The following ZFR variants were observed in gnomAD, a reference collection of about 807,000 sequenced individuals.
The protein encoded by ZFR is zinc finger RNA-binding protein.
Under a neutral mutation model 130.7 loss-of-function variants are expected in ZFR, and 19 were observed. That is an observed-to-expected ratio of 0.15 (90% CI 0.10 to 0.21). The LOEUF (loss-of-function observed/expected upper bound fraction) is 0.21. Ranked by LOEUF, ZFR falls within the 10% of genes least tolerant of loss-of-function variation. The pLI is 1.00. For synonymous variants in ZFR, 466 were observed against 456.9 expected (o/e 1.02, Z -0.25); for missense variants, 872 against 1,321.5 (o/e 0.66, Z 5.27).
At chr5:32,421,764 T>C (rs544341193) in intron 2 of ZFR, among the ~76,000 whole-genome samples, 28 of 152,142 alleles carry the variant, frequency 1.8e-4, no homozygotes, top group East Asian at 5.8e-4. Flanking sequence ...AAGAAACTCA[T>C]AGAATTTCTA....
At chr5:32,396,916 G>A (rs1053287629) in intron 10 of ZFR, among the ~76,000 whole-genome samples, 1 of 152,178 alleles carries the variant, frequency 6.6e-6, no homozygotes, top group Non-Finnish European at 1.5e-5. Flanking sequence ...AAATAGTTGA[G>A]ACTTTTTTCA....
chr5:32,379,382 G>C, intron 16 of ZFR, 172 bp from the exon 17 acceptor site: 1 of 659,426 alleles, frequency 1.5e-6, no homozygotes, highest in Non-Finnish European at 2.8e-6. Flanking sequence ...TTTATGCCAG[G>C]GTTAGTATTT....
rs960557656 is a variant in ZFR at position 32,420,108 on chromosome 5, A to G, written c.138-5T>C. 2 of 1,555,288 alleles carry G rather than the reference A, an allele frequency of 1.3e-6. No homozygotes were observed. Among genetic ancestry groups the G allele is most frequent in the African/African-American group, 1.4e-5 (1 of 73,094 alleles). ...ACACCCGAAGCTGGCTGCTGGCTAC[A>G]TTGTGGAGTACAAGAATAAATATAA... On this transcript the variant is annotated splice_region_variant and splice_polypyrimidine_tract_variant and intron_variant, in intron 2 of 19. Coordinates refer to ENST00000265069, the MANE Select transcript of ZFR (RefSeq NM_016107.5).
At chr5:32,401,245 T>C (rs1753442707) in intron 8 of ZFR, among the ~76,000 whole-genome samples, 2 of 152,226 alleles carry the variant, frequency 1.3e-5, no homozygotes, top group Admixed American at 6.5e-5. Flanking sequence ...CGCTAAGTTC[T>C]GGTAATACAG....
chr5:32,367,208 T>C (rs1394255969), intron 17 of ZFR, among the ~76,000 whole-genome samples: 1 of 151,906 alleles, frequency 6.6e-6, no homozygotes, highest in Non-Finnish European at 1.5e-5. Flanking sequence ...TCAAGGTGGG[T>C]GGATCACCTG....
chr5:32,438,278 TTTG>T, intron 2 of ZFR, among the ~76,000 whole-genome samples: 2 of 128,116 alleles, frequency 1.6e-5, no homozygotes, highest in South Asian at 2.5e-4. Context: ...TTTTTTTTTT[TTTG>T]AGACGGAGTT....
Position 32,387,676 on chromosome 5 carries a change from A to G in ZFR, c.2372T>C (p.Val791Ala). 1 of 1,611,584 alleles carries G rather than the reference A, an allele frequency of 6.2e-7. No homozygotes were observed. Among genetic ancestry groups the G allele is most frequent in the Non-Finnish European group, 8.5e-7 (1 of 1,178,620 alleles). ...AAGTAATCCTTTTGCCAATACTCCC[A>G]CTCGCAAAACTCCTTTCAAAGCTCT... ...KDRALKGVLRVGVLAKGLLLR... is the reference protein window; with the variant it reads ...KDRALKGVLRAGVLAKGLLLR... The change falls in exon 14 of 20, where the codon GTG becomes GCG. Residue 791 changes from valine (V) to alanine (A), a missense_variant. Physicochemically the swap from Val to Ala is moderately conservative, Grantham distance 64. Coordinates refer to ENST00000265069, the MANE Select transcript of ZFR (RefSeq NM_016107.5).
intron 19 of ZFR, among the ~76,000 whole-genome samples, chr5:32,357,201 G>A (rs1452989075): frequency 6.6e-6 from 1 of 152,056 alleles, no homozygotes; most frequent in Non-Finnish European, 1.5e-5. Flanking sequence ...GCCCAGGCTG[G>A]TCTTGAACTC....
chr5:32,401,380 C>G (rs183785676), intron 8 of ZFR, among the ~76,000 whole-genome samples: 2 of 152,244 alleles, frequency 1.3e-5, no homozygotes, highest in East Asian at 1.9e-4. Context: ...TTAGAAGGAG[C>G]CACCACCCTT....
chr5:32,358,528 C>T (rs1287086789), intron 19 of ZFR, among the ~76,000 whole-genome samples: 1 of 151,930 alleles, frequency 6.6e-6, no homozygotes, highest in Admixed American at 6.6e-5. Flanking sequence ...GGCTTGGTGG[C>T]GGGTGCCTAT....
intron 2 of ZFR, among the ~76,000 whole-genome samples, chr5:32,434,556 T>C (rs1449429763): frequency 6.6e-6 from 1 of 152,248 alleles, no homozygotes; most frequent in Non-Finnish European, 1.5e-5. Flanking sequence ...TGCAATATCA[T>C]CTAGTTATTT....
intron 19 of ZFR, among the ~76,000 whole-genome samples, chr5:32,361,793 T>G (rs1389600867): frequency 6.6e-6 from 1 of 152,092 alleles, no homozygotes; most frequent in Admixed American, 6.6e-5. Context: ...CGGCTAATTC[T>G]TTTATTTTTA....
At chr5:32,364,070 G>T (rs1752487850) in intron 18 of ZFR, 25 bp from the exon 19 acceptor site, 1 of 1,608,312 alleles carries the variant, frequency 6.2e-7, no homozygotes, top group Non-Finnish European at 8.5e-7. Flanking sequence ...ACAGGGAGAG[G>T]AAATTATTAG....
At chr5:32,418,992 T>C (rs2111821275) in intron 3 of ZFR, among the ~76,000 whole-genome samples, 1 of 152,346 alleles carries the variant, frequency 6.6e-6, no homozygotes, top group Non-Finnish European at 1.5e-5. Flanking sequence ...ATTTTTGTTA[T>C]AATATGTATT....
intron 2 of ZFR, among the ~76,000 whole-genome samples, chr5:32,444,011 C>T (rs1754535089): frequency 2.0e-5 from 3 of 150,962 alleles, no homozygotes; most frequent in Admixed American, 2.0e-4. Flanking sequence ...TCTACCTCCC[C>T]CCTACTGGGG....
chr5:32,355,910 C>G lies in ZFR; in HGVS notation c.3075G>C (p.Gln1025His), dbSNP rs1752295111. 3 of 1,595,654 alleles carry G rather than the reference C, an allele frequency of 1.9e-6. No individual in the cohort carries two copies. Among genetic ancestry groups the G allele is most frequent in the Non-Finnish European group, 2.6e-6 (3 of 1,174,358 alleles). ...QFALRLLAFR[Q>H]IHKVLGMDPL... is the part of the protein sequence containing the mutation. ...GATCCATGCCTAGAACTTTGTGTAT[C>G]TGGCGGAATGCAAGGAGTCTCAATG... Residue 1025 changes from glutamine (Q) to histidine (H), a missense_variant, in exon 20 of 20, where the codon CAG becomes CAC. Transcript: ENST00000265069.
At chr5:32,418,592 T>G (rs1206199619) in intron 3 of ZFR, among the ~76,000 whole-genome samples, 1 of 152,206 alleles carries the variant, frequency 6.6e-6, no homozygotes, top group African/African-American at 2.4e-5. Context: ...CAGAAAACAC[T>G]GGGTTTCACA....
chr5:32,415,027 A>C lies in ZFR; in HGVS notation c.726T>G (p.Thr242=). ...STVQPVAAAA[T]VVPSYTQSAT... ...CACTCTGAGTATAGGATGGCACCAC[A>C]GTAGCCGCAGCTGCTACTGGCTGTA... Residue 242 remains threonine (T), a synonymous_variant, in exon 5 of 20, where the codon ACT becomes ACG. Coordinates refer to ENST00000265069, the MANE Select transcript of ZFR (RefSeq NM_016107.5). 1 of 1,614,132 alleles carries C rather than the reference A, an allele frequency of 6.2e-7. No individual in the cohort carries two copies. The highest frequency in any genetic ancestry group is 8.5e-7 in the Non-Finnish European group (1 of 1,179,992).
At chr5:32,414,418 G>C (rs913167425) in intron 5 of ZFR, among the ~76,000 whole-genome samples, 2 of 152,126 alleles carry the variant, frequency 1.3e-5, no homozygotes, top group African/African-American at 4.8e-5. Flanking sequence ...AAAGGTTTTA[G>C]CCATTGTACC....
Sources: gnomAD v4.1 joint callset for allele counts (sites outside exome capture counted in the v4.1 genomes callset) on GRCh38, gnomAD v4.1.1 for gene constraint, MANE v1.5 for transcripts, NCBI Gene and HGNC (gene_info 2026-07-23, HGNC 2026-07-21) for gene names.